The following CASK variants were observed in gnomAD, a reference collection of about 807,000 sequenced individuals.
CASK encodes the protein calcium/calmodulin dependent serine protein kinase, also known as peripheral plasma membrane protein CASK.
In CASK, 4 loss-of-function variants were observed where a neutral mutation model predicts 82.9. That is an observed-to-expected ratio of 0.05 (90% CI 0.02 to 0.11). The LOEUF (loss-of-function observed/expected upper bound fraction) is 0.11, where lower values mean the gene tolerates loss of function less well. Ranked by LOEUF, CASK falls within the 10% of genes least tolerant of loss-of-function variation. CASK has a pLI of 1.00. For synonymous variants in CASK, 259 were observed against 253.5 expected (o/e 1.02, Z -0.20); for missense variants, 358 against 720.9 (o/e 0.50, Z 5.76).
At chrX:41,696,388 G>A (rs772633937) in intron 5 of CASK, 1 of 1,178,474 alleles carries the variant, frequency 8.5e-7, no homozygotes, top group Non-Finnish European at 1.1e-6. Flanking sequence ...TCTAAAAGGA[G>A]GTCAAAATTT....
chrX:41,520,275 C>T lies in CASK; in HGVS notation c.*145G>A, dbSNP rs1170311543. The stretch of plus-strand genomic sequence containing the variant: ...AATTGTTTTTCTCCTCCTATCTATT[C>T]GGACATGACAATAATTATAAATGTA... On this transcript the variant is annotated 3_prime_UTR_variant, in exon 27 of 27. Transcript: ENST00000378163. The T allele has an allele frequency of 3.7e-5, 16 of 434,758 alleles. No homozygotes were observed. The highest frequency in any genetic ancestry group is 1.3e-3 in the Middle Eastern group (2 of 1,593). 35.8% of individuals were successfully genotyped at this position (434,758 alleles called of 1,213,427 possible).
At chrX:41,777,506 AT>A (rs1272970018) in intron 3 of CASK, among the ~76,000 whole-genome samples, 2 of 109,941 alleles carry the variant, frequency 1.8e-5, no homozygotes, top group Non-Finnish European at 1.9e-5. Flanking sequence ...AAAAAAAAAA[AT>A]AGATTTTAGC....
At chrX:41,704,015 T>C (rs762391973) in intron 5 of CASK, among the ~76,000 whole-genome samples, 9 of 111,372 alleles carry the variant, frequency 8.1e-5, no homozygotes, top group Admixed American at 5.8e-4. Flanking sequence ...GAATGGCCTA[T>C]TCATATCTAT....
intron 2 of CASK, among the ~76,000 whole-genome samples, chrX:41,836,322 T>C (rs947380399): frequency 1.8e-5 from 2 of 112,020 alleles, no homozygotes; most frequent in East Asian, 2.8e-4. Flanking sequence ...AGGTGTTTCA[T>C]TGAAAATTAT....
intron 16 of CASK, among the ~76,000 whole-genome samples, chrX:41,564,708 T>A (rs1290531301): frequency 8.9e-6 from 1 of 111,952 alleles, no homozygotes; most frequent in Non-Finnish European, 1.9e-5. Flanking sequence ...ATCCAGGACC[T>A]GAACTCAGCT....
Position 41,808,704 on chromosome X carries a change from G to A in CASK, c.173-21421C>T, listed in dbSNP as rs940478605. On this transcript the variant is annotated intron_variant, in intron 2 of 26. Coordinates refer to ENST00000378163, the MANE Select transcript of CASK (RefSeq NM_001367721.1). The stretch of plus-strand genomic sequence containing the variant: ...CTGAGGTACCGGGTTCATCTCACTG[G>A]GGCTTGTCGGACAGTGGGTGCAGGA... Among the ~76,000 whole-genome samples, 11 of 112,191 alleles carry A rather than the reference G, an allele frequency of 9.8e-5. No individual in the cohort carries two copies. In the Admixed American group the frequency reaches 1.0e-3, roughly 11 times the overall value.
intron 12 of CASK, among the ~76,000 whole-genome samples, chrX:41,596,987 A>C (rs2065831135): frequency 8.9e-6 from 1 of 112,579 alleles, no homozygotes; most frequent in Non-Finnish European, 1.9e-5. Context: ...TTCAAACATA[A>C]AGATGATAAA....
chrX:41,583,429 G>T, intron 14 of CASK, among the ~76,000 whole-genome samples: 1 of 110,966 alleles, frequency 9.0e-6, no homozygotes. Flanking sequence ...AGACATGTCT[G>T]TCCAAATTCA....
At chrX:41,528,541 C>T (rs1250190580) in intron 25 of CASK, among the ~76,000 whole-genome samples, 1 of 112,077 alleles carries the variant, frequency 8.9e-6, no homozygotes. Flanking sequence ...GCCACAAGGC[C>T]CTTCTGTTAT....
At chrX:41,773,992 T>A (rs1486364467) in intron 3 of CASK, among the ~76,000 whole-genome samples, 2 of 111,860 alleles carry the variant, frequency 1.8e-5, no homozygotes, top group African/African-American at 3.2e-5. Context: ...CAATAATAAA[T>A]CTTAGCTTAC....
chrX:41,589,772 C>G (rs1024960376), intron 12 of CASK, 180 bp from the exon 13 acceptor site: 2 of 407,078 alleles, frequency 4.9e-6, no homozygotes, highest in Non-Finnish European at 8.6e-6. Context: ...GAATATGAGT[C>G]TTATGCATAT....
At chrX:41,745,990 T>C (rs2068680487) in intron 3 of CASK, among the ~76,000 whole-genome samples, 1 of 111,994 alleles carries the variant, frequency 8.9e-6, no homozygotes, top group South Asian at 3.7e-4. Flanking sequence ...AAAAACAATC[T>C]TGCTATTGTT....
At position 41,606,071 on chromosome X, in the gene CASK, T is replaced by A. The variant is rs777700523; in HGVS notation, c.1155+3833A>T. Among the ~76,000 whole-genome samples, 7 of 112,359 alleles carry A rather than the reference T, an allele frequency of 6.2e-5. No individual in the cohort carries two copies. In the South Asian group the frequency reaches 2.2e-3, roughly 36 times the overall value. On this transcript the variant is annotated intron_variant, in intron 12 of 26. Transcript: ENST00000378163. ...TACCACAAACATTTAAATATTAAAA[T>A]TTTTTAAATGATTAGATTTCTCTAT...
intron 3 of CASK, among the ~76,000 whole-genome samples, chrX:41,763,899 G>T (rs889080381): frequency 5.4e-5 from 6 of 111,631 alleles, no homozygotes; most frequent in Non-Finnish European, 1.1e-4. Context: ...TAGGCATAAA[G>T]AAACAAAATT....
At chrX:41,695,636 G>A (rs2067671686) in intron 5 of CASK, 9 of 1,178,359 alleles carry the variant, frequency 7.6e-6, no homozygotes, top group South Asian at 1.8e-5. Context: ...AGAAGACAAT[G>A]AGAAGTCATA....
At chrX:41,649,216 TA>T (rs2066820082) in intron 8 of CASK, among the ~76,000 whole-genome samples, 1 of 111,623 alleles carries the variant, frequency 9.0e-6, no homozygotes, top group Non-Finnish European at 1.9e-5. Flanking sequence ...TGGATTCATT[TA>T]TTTTTTTGAA....
intron 14 of CASK, among the ~76,000 whole-genome samples, chrX:41,579,607 T>C (rs1029475335): frequency 8.0e-5 from 9 of 112,165 alleles, no homozygotes; most frequent in Non-Finnish European, 5.6e-5. Context: ...GCTATCAAAA[T>C]GTCTGGAGCT....
intron 3 of CASK, among the ~76,000 whole-genome samples, chrX:41,774,193 C>A (rs1253733497): frequency 4.5e-5 from 5 of 110,384 alleles, no homozygotes; most frequent in Non-Finnish European, 9.5e-5. Context: ...TAGAAAACCC[C>A]ATTGTCTCAG....
chrX:41,837,121 G>T (rs1034309027), intron 2 of CASK, among the ~76,000 whole-genome samples: 1 of 111,906 alleles, frequency 8.9e-6, no homozygotes, highest in Non-Finnish European at 1.9e-5. Flanking sequence ...TCATGGAAGA[G>T]CATACAGTTC....
Sources: allele counts gnomAD v4.1 joint callset (sites outside exome capture counted in the v4.1 genomes callset), GRCh38; gene constraint gnomAD v4.1.1; transcripts MANE v1.5; gene names NCBI Gene and HGNC (gene_info 2026-07-23, HGNC 2026-07-21).